The following ENOX1 variants were observed in gnomAD, a reference collection of about 807,000 sequenced individuals.
ENOX1 encodes the protein ecto-NOX disulfide-thiol exchanger 1.
ENOX1 carries 42 observed loss-of-function variants against 82.5 expected under a neutral mutation model. The ratio of observed to expected loss-of-function variants is 0.51; its 90% confidence interval spans 0.40 to 0.66. The LOEUF is 0.66. ENOX1 is among the 30% of genes least tolerant of loss of function. The probability of loss-of-function intolerance (pLI) is 0.00; values close to 1 mark genes in which losing one functional copy is unlikely to be tolerated. For synonymous variants in ENOX1, 271 were observed against 282.2 expected, an observed-to-expected ratio of 0.96 and a Z score of 0.40; for missense variants, 608 against 811.6, an observed-to-expected ratio of 0.75 and a Z score of 3.05.
chr13:43,633,844 T>C (rs1017182402), intron 2 of ENOX1, among the ~76,000 whole-genome samples: 2 of 152,092 alleles, frequency 1.3e-5, no homozygotes, highest in African/African-American at 4.8e-5. Context: ...TAAATCTAAG[T>C]ATTTCTATAG....
At chr13:43,728,878 G>T (rs113937385) in intron 1 of ENOX1, among the ~76,000 whole-genome samples, 1 of 152,094 alleles carries the variant, frequency 6.6e-6, no homozygotes, top group Non-Finnish European at 1.5e-5. Context: ...TCTGAATTAC[G>T]TTAAATGGCA....
intron 11 of ENOX1, among the ~76,000 whole-genome samples, chr13:43,299,997 A>G (rs932391323): frequency 6.6e-6 from 1 of 152,176 alleles, no homozygotes; most frequent in Non-Finnish European, 1.5e-5. Context: ...CTCAAATATC[A>G]AATGTCAAAT....
chr13:43,417,512 C>A (rs1219422878), intron 3 of ENOX1, among the ~76,000 whole-genome samples: 2 of 152,200 alleles, frequency 1.3e-5, no homozygotes, highest in Admixed American at 1.3e-4. Flanking sequence ...TTGTTAGCAT[C>A]TATTGTTCCT....
At chr13:43,541,171 C>CTTTTTTTTTTTTTTTTTT (rs1555317884) in intron 2 of ENOX1, among the ~76,000 whole-genome samples, 6 of 38,752 alleles carry the variant, frequency 1.5e-4, no homozygotes, top group South Asian at 2.2e-3. Flanking sequence ...CTTCTTCCCT[C>CTTTTTTTTTTTTTTTTTT]TGTTTTTTTT....
intron 9 of ENOX1, among the ~76,000 whole-genome samples, chr13:43,339,999 A>G (rs1268364571): frequency 6.6e-6 from 1 of 152,240 alleles, no homozygotes; most frequent in African/African-American, 2.4e-5. Context: ...CATCAAACAC[A>G]TCTTACCACA....
intron 3 of ENOX1, among the ~76,000 whole-genome samples, chr13:43,413,704 T>C (rs1189719129): frequency 1.4e-5 from 2 of 144,292 alleles, no homozygotes; most frequent in African/African-American, 4.9e-5. Flanking sequence ...TATATTTTTA[T>C]ATATTTATAT....
chr13:43,616,734 C>T (rs907703610), intron 2 of ENOX1, among the ~76,000 whole-genome samples: 1 of 152,160 alleles, frequency 6.6e-6, no homozygotes, highest in Non-Finnish European at 1.5e-5. Flanking sequence ...TGACATTTCT[C>T]TCTCTTCCCT....
At chr13:43,660,877 C>G (rs778325976) in intron 2 of ENOX1, among the ~76,000 whole-genome samples, 3 of 152,118 alleles carry the variant, frequency 2.0e-5, no homozygotes, top group Non-Finnish European at 4.4e-5. Flanking sequence ...TTTATGCAGA[C>G]TAGGGCTCCT....
chr13:43,622,205 A>G (rs966681504), intron 2 of ENOX1, among the ~76,000 whole-genome samples: 7 of 152,122 alleles, frequency 4.6e-5, no homozygotes, highest in Non-Finnish European at 1.0e-4. Context: ...GTCCCTCCCT[A>G]ATTAGCTTTA....
At chr13:43,603,363 CTTTTATTTA>C (rs891391081) in intron 2 of ENOX1, among the ~76,000 whole-genome samples, 49 of 125,880 alleles carry the variant, frequency 3.9e-4, no homozygotes, top group African/African-American at 1.7e-3. Flanking sequence ...CTTTTTTTTC[CTTTTATTTA>C]TTTTATTTAT....
intron 2 of ENOX1, among the ~76,000 whole-genome samples, chr13:43,553,873 G>A (rs148851179): frequency 0.05 from 7,660 of 152,164 alleles, 286 homozygotes; most frequent in Non-Finnish European, 0.076. Context: ...TCAGCCTCCC[G>A]AGCAGCTGGG....
At chr13:43,561,063 G>A (rs906203884) in intron 2 of ENOX1, among the ~76,000 whole-genome samples, 16 of 152,288 alleles carry the variant, frequency 1.1e-4, no homozygotes, top group African/African-American at 3.8e-4. Flanking sequence ...AGAGAGAACA[G>A]TGCGTAATCA....
intron 1 of ENOX1, among the ~76,000 whole-genome samples, chr13:43,704,754 C>T (rs765579828): frequency 1.3e-5 from 2 of 152,122 alleles, no homozygotes; most frequent in South Asian, 2.1e-4. Context: ...CAGGATAAAA[C>T]GAACCAATGG....
At chr13:43,379,273 AAG>A (rs1356581514) in intron 5 of ENOX1, among the ~76,000 whole-genome samples, 1 of 152,140 alleles carries the variant, frequency 6.6e-6, no homozygotes, top group Non-Finnish European at 1.5e-5. Context: ...AATGAATAAA[AAG>A]AGAAATTACA....
At chr13:43,720,669 T>C (rs2153817856) in intron 1 of ENOX1, among the ~76,000 whole-genome samples, 1 of 152,330 alleles carries the variant, frequency 6.6e-6, no homozygotes, top group Middle Eastern at 3.4e-3. Flanking sequence ...AAGTGAAGCC[T>C]GATGGGACAC....
intron 2 of ENOX1, among the ~76,000 whole-genome samples, chr13:43,617,202 T>C (rs1442461291): frequency 6.6e-6 from 1 of 152,214 alleles, no homozygotes; most frequent in Non-Finnish European, 1.5e-5. Context: ...TGGTTATCAA[T>C]ATAAACAATC....
At chr13:43,265,522 T>A in intron 13 of ENOX1, 68 bp from the exon 14 acceptor site, 1 of 1,328,282 alleles carries the variant, frequency 7.5e-7, no homozygotes, top group Non-Finnish European at 1.1e-6. Flanking sequence ...CTTAAGTATA[T>A]CATCTTGTTA....
intron 5 of ENOX1, among the ~76,000 whole-genome samples, chr13:43,384,466 T>C (rs1310560481): frequency 6.6e-6 from 1 of 152,210 alleles, no homozygotes; most frequent in Non-Finnish European, 1.5e-5. Context: ...TATTATCTTA[T>C]TCATTCCCAT....
At chr13:43,732,282 T>TCCTA (rs2089392281) in intron 1 of ENOX1, among the ~76,000 whole-genome samples, 1 of 152,172 alleles carries the variant, frequency 6.6e-6, no homozygotes, top group South Asian at 2.1e-4. Context: ...AAAAATTTTC[T>TCCTA]CCTAGCTTTT....
Sources: gnomAD v4.1 joint callset for allele counts (sites outside exome capture counted in the v4.1 genomes callset) on GRCh38, gnomAD v4.1.1 for gene constraint, MANE v1.5 for transcripts, NCBI Gene and HGNC (gene_info 2026-07-23, HGNC 2026-07-21) for gene names.